The following TBC1D22A variants were observed in gnomAD, a reference collection of about 807,000 sequenced individuals.
The protein encoded by TBC1D22A is TBC1 domain family member 22A, also known as putative GTPase activator.
TBC1D22A carries 38 observed loss-of-function variants against 60.2 expected under a neutral mutation model. That is an observed-to-expected ratio of 0.63 (90% confidence interval 0.49 to 0.83). The LOEUF (loss-of-function observed/expected upper bound fraction) is 0.83, where lower values mean the gene tolerates loss of function less well. Ranked by LOEUF, TBC1D22A falls within the 40% of genes least tolerant of loss-of-function variation. The pLI, the probability that TBC1D22A is intolerant of heterozygous loss-of-function variation, is 0.00. For missense variants in TBC1D22A, 628 were observed against 701.0 expected, an observed-to-expected ratio of 0.90 and a Z score of 1.18; for synonymous variants, 302 against 281.7, an observed-to-expected ratio of 1.07 and a Z score of -0.72.
At chr22:46,869,452 G>A (rs948281801) in intron 4 of TBC1D22A, among the ~76,000 whole-genome samples, 1 of 152,180 alleles carries the variant, frequency 6.6e-6, no homozygotes, top group Admixed American at 6.5e-5. Flanking sequence ...CTGGTCCGTG[G>A]TGAGTGTTGA....
At chr22:46,917,254 T>C (rs992743205) in intron 8 of TBC1D22A, among the ~76,000 whole-genome samples, 1 of 152,136 alleles carries the variant, frequency 6.6e-6, no homozygotes, top group Non-Finnish European at 1.5e-5. Context: ...GAGAATAACA[T>C]AGGGTCCAGG....
chr22:47,154,682 G>A (rs549493237), intron 12 of TBC1D22A, among the ~76,000 whole-genome samples: 68 of 152,310 alleles, frequency 4.5e-4, no homozygotes, highest in African/African-American at 1.5e-3. Context: ...GAGTTCAGAC[G>A]GCAGCTCTGT....
intron 11 of TBC1D22A, among the ~76,000 whole-genome samples, chr22:47,089,990 C>A (rs1649051145): frequency 6.6e-6 from 1 of 152,184 alleles, no homozygotes; most frequent in African/African-American, 2.4e-5. Context: ...TGTGAACAGT[C>A]CGGAACTTTG....
chr22:47,125,061 G>T (rs1178934916), intron 12 of TBC1D22A, among the ~76,000 whole-genome samples: 1 of 152,100 alleles, frequency 6.6e-6, no homozygotes, highest in Non-Finnish European at 1.5e-5. Context: ...CAGGGACCAG[G>T]TGTGGCCAGC....
Position 46,789,095 on chromosome 22 carries a change from G to A in TBC1D22A, c.63-3425G>A, listed in dbSNP as rs558042869. On this transcript the variant is annotated intron_variant, in intron 1 of 12. Transcript: ENST00000337137. The stretch of plus-strand genomic sequence containing the variant: ...CCAGCCACTTTTCCTAGTTCTAAGT[G>A]TGATTTTTTTTCTTAAGGAATCTTC... 7.7e-5 allele frequency: 13 copies of A among 169,136 alleles called. No homozygotes were observed. The South Asian group carries it at 1.3e-3, about 17-fold the overall frequency. The allele number at this position is 169,136 out of a possible 1,614,324, so 10.5% of individuals were successfully genotyped here. A position where few individuals can be genotyped will look rare whatever the true frequency, so the allele number is the denominator to read the frequency against.
At chr22:46,997,837 C>T (rs2075173318) in intron 10 of TBC1D22A, 128 bp downstream of exon 10, 2 of 722,654 alleles carry the variant, frequency 2.8e-6, no homozygotes, top group South Asian at 3.4e-5. Flanking sequence ...TCATGGGCAT[C>T]CTTCTGAGAC....
At chr22:46,900,275 C>T (rs1449560381) in intron 7 of TBC1D22A, among the ~76,000 whole-genome samples, 1 of 151,942 alleles carries the variant, frequency 6.6e-6, no homozygotes, top group Non-Finnish European at 1.5e-5. Flanking sequence ...CCTCAGACTC[C>T]CGAGTAGCTG....
At chr22:47,076,157 C>T (rs2064197444) in intron 11 of TBC1D22A, among the ~76,000 whole-genome samples, 1 of 151,738 alleles carries the variant, frequency 6.6e-6, no homozygotes, top group South Asian at 2.1e-4. Flanking sequence ...AGTGAGAAGG[C>T]ATAGAAGATT....
intron 4 of TBC1D22A, among the ~76,000 whole-genome samples, chr22:46,873,246 C>T (rs1024008329): frequency 1.3e-5 from 2 of 152,078 alleles, no homozygotes; most frequent in Non-Finnish European, 2.9e-5. Flanking sequence ...CAACATACAC[C>T]TCACAAAAAG....
chr22:47,068,568 T>G (rs143379456), intron 11 of TBC1D22A, among the ~76,000 whole-genome samples: 1 of 152,348 alleles, frequency 6.6e-6, no homozygotes, highest in East Asian at 1.9e-4. Flanking sequence ...GAATATGCCA[T>G]ATGATATTTA....
At chr22:47,033,883 C>G (rs1346790727) in intron 10 of TBC1D22A, among the ~76,000 whole-genome samples, 1 of 152,098 alleles carries the variant, frequency 6.6e-6, no homozygotes, top group Non-Finnish European at 1.5e-5. Flanking sequence ...TGGTGCCTTT[C>G]TTAGGCACTC....
At chr22:47,096,107 A>G (rs1293665642) in intron 11 of TBC1D22A, among the ~76,000 whole-genome samples, 1 of 152,224 alleles carries the variant, frequency 6.6e-6, no homozygotes, top group Non-Finnish European at 1.5e-5. Context: ...CTTATTACCC[A>G]GCTTTAGCAA....
At chr22:47,040,712 G>A (rs2062812938) in intron 11 of TBC1D22A, among the ~76,000 whole-genome samples, 1 of 152,174 alleles carries the variant, frequency 6.6e-6, no homozygotes, top group African/African-American at 2.4e-5. Context: ...ACGTGACTCA[G>A]CAGCAGAGGA....
chr22:46,945,322 T>A lies in TBC1D22A; in HGVS notation c.1016-28968T>A, dbSNP rs75921864. 5.7e-3 allele frequency among the ~76,000 whole-genome samples: 863 copies of A among 152,254 alleles called. 8 individuals carry two copies. The highest frequency in any genetic ancestry group is 0.019 in the African/African-American group (771 of 41,530). On this transcript the variant is annotated intron_variant, in intron 8 of 12. Transcript: ENST00000337137. Reference sequence around the variant, plus strand: ...TTGCTGGGGGCTGTAGAAACAGAGGTGATGAAAATTAGAAGGCCTGTTTGA... The same window carrying A: ...TTGCTGGGGGCTGTAGAAACAGAGGAGATGAAAATTAGAAGGCCTGTTTGA...
chr22:47,110,207 C>T (rs935874828), intron 11 of TBC1D22A, among the ~76,000 whole-genome samples: 24 of 152,184 alleles, frequency 1.6e-4, no homozygotes, highest in African/African-American at 4.6e-4. Flanking sequence ...TGGCCAGGCA[C>T]GGTGGCTCAC....
chr22:47,091,469 G>A (rs911707805), intron 11 of TBC1D22A, among the ~76,000 whole-genome samples: 5 of 144,472 alleles, frequency 3.5e-5, no homozygotes, highest in Admixed American at 2.1e-4. Flanking sequence ...ACGAGAAGTC[G>A]TCTTTGCTGG....
intron 8 of TBC1D22A, among the ~76,000 whole-genome samples, chr22:46,953,319 C>T (rs1330558481): frequency 6.6e-6 from 1 of 152,194 alleles, no homozygotes; most frequent in East Asian, 1.9e-4. Context: ...GACACACTCT[C>T]ATCTGTGTGT....
chr22:47,172,370 T>C (rs908428954), intron 12 of TBC1D22A, among the ~76,000 whole-genome samples: 1 of 152,186 alleles, frequency 6.6e-6, no homozygotes, highest in East Asian at 1.9e-4. Flanking sequence ...GTGAATTCAA[T>C]GCAATAAATG....
At chr22:47,033,365 G>C (rs2062548726) in intron 10 of TBC1D22A, among the ~76,000 whole-genome samples, 1 of 152,232 alleles carries the variant, frequency 6.6e-6, no homozygotes, top group Admixed American at 6.5e-5. Context: ...CGCTATTGCT[G>C]TGTTGAGAAA....
Sources: allele counts gnomAD v4.1 joint callset (sites outside exome capture counted in the v4.1 genomes callset), GRCh38; gene constraint gnomAD v4.1.1; transcripts MANE v1.5; gene names NCBI Gene and HGNC (gene_info 2026-07-23, HGNC 2026-07-21).